The following EVC variants were observed in gnomAD, a reference collection of about 807,000 sequenced individuals.
EVC encodes the protein evC complex member EVC.
EVC carries 116 observed loss-of-function variants against 118.9 expected under a neutral mutation model. That is an observed-to-expected ratio of 0.98 (90% CI 0.84 to 1.14). EVC has a LOEUF of 1.14. Ranked by LOEUF, EVC falls within the 50% of genes most tolerant of loss-of-function variation. EVC has a pLI of 0.00. For synonymous variants in EVC, 619 were observed against 534.7 expected, an observed-to-expected ratio of 1.16 and a Z score of -2.18; for missense variants, 1,401 against 1,246.4, an observed-to-expected ratio of 1.12 and a Z score of -1.87.
intron 6 of EVC, 146 bp downstream of exon 6, chr4:5,741,960 G>C (rs1365349503): frequency 8.7e-6 from 4 of 461,962 alleles, no homozygotes; most frequent in East Asian, 7.1e-5. Flanking sequence ...AAATATAAAA[G>C]TATGTATACA....
At position 5,749,331 on chromosome 4, in the gene EVC, C is replaced by A. The variant is rs1056597154; in HGVS notation, c.1098+1025C>A. Among the ~76,000 whole-genome samples, 1 of 134,886 alleles carries A rather than the reference C, an allele frequency of 7.4e-6. No individual in the cohort carries two copies. Among genetic ancestry groups the A allele is most frequent in the Non-Finnish European group, 1.5e-5 (1 of 65,594 alleles). The allele number at this position is 134,886 out of a possible 152,430, so 88.5% of individuals were successfully genotyped here. Reference sequence around the variant, plus strand: ...TAAAATACATTAACACTAACGATAGCTGATGAGCGGAAAAAAAAAAAAAAA... The same window carrying A: ...TAAAATACATTAACACTAACGATAGATGATGAGCGGAAAAAAAAAAAAAAA... On this transcript the variant is annotated intron_variant, in intron 8 of 20. Transcript: ENST00000264956. The surrounding 1 kb of genome is among the most constrained non-coding windows in gnomAD (Gnocchi z 4.4).
At chr4:5,802,132 T>C (rs764896281) in intron 16 of EVC, 38 bp downstream of exon 16, 1 of 1,613,348 alleles carries the variant, frequency 6.2e-7, no homozygotes, top group East Asian at 2.2e-5. Flanking sequence ...CAGAAGAGAC[T>C]GGCAATGTGT....
rs543310088 is a variant in EVC, at chr4:5,719,759, A to T, written c.300+386A>T. Among the ~76,000 whole-genome samples the T allele has an allele frequency of 1.5e-4, 23 of 152,238 alleles. No individual in the cohort carries two copies. Among genetic ancestry groups the T allele is most frequent in the African/African-American group, 5.3e-4 (22 of 41,552 alleles). On this transcript the variant is annotated intron_variant, in intron 2 of 20. Transcript: ENST00000264956. This position sits in a 1 kb window ranked among gnomAD's most constrained non-coding sequence, Gnocchi z 4.7. ...GCTGTTCTGTGCCTGTGTTCCCTCC[A>T]CAGAATGCCTTAAGATGTTTCCCTT...
intron 17 of EVC, among the ~76,000 whole-genome samples, chr4:5,806,799 C>T (rs1030888819): frequency 6.6e-6 from 1 of 152,172 alleles, no homozygotes; most frequent in Non-Finnish European, 1.5e-5. Flanking sequence ...TATACATTCC[C>T]ACCAATGGTG....
chr4:5,763,975 G>T (rs1456528520), intron 11 of EVC, among the ~76,000 whole-genome samples: 2 of 142,016 alleles, frequency 1.4e-5, no homozygotes, highest in Non-Finnish European at 3.1e-5. Context: ...TCCCTGTCTT[G>T]TGCCAGTTTT....
At chr4:5,760,417 A>G (rs1343713985) in intron 11 of EVC, among the ~76,000 whole-genome samples, 2 of 152,102 alleles carry the variant, frequency 1.3e-5, no homozygotes, top group Non-Finnish European at 2.9e-5. Context: ...AGAGGGTGAC[A>G]GGTGTGACGA....
chr4:5,756,492 A>AC lies in EVC; in HGVS notation c.1563+131dup, dbSNP rs1397497765. ...CCCCGCACTCATTGGCCGGTGATCCACGCAGGCTGTGTCCCCTCCATGCGA... is the reference window on the plus strand; with the variant it reads ...CCCCGCACTCATTGGCCGGTGATCCACCGCAGGCTGTGTCCCCTCCATGCGA... On this transcript the variant is annotated intron_variant, in intron 11 of 20. Coordinates refer to ENST00000264956, the MANE Select transcript of EVC (RefSeq NM_153717.3). This position sits in a 1 kb window ranked among gnomAD's most constrained non-coding sequence, Gnocchi z 4.2. 6.0e-5 allele frequency: 46 copies of AC among 761,608 alleles called. No homozygotes were observed. The East Asian group carries it at 6.4e-4, about 11-fold the overall frequency. 47.2% of individuals were successfully genotyped at this position (761,608 alleles called of 1,614,324 possible). A position where few individuals can be genotyped will look rare whatever the true frequency, so the allele number is the denominator to read the frequency against.
Position 5,743,112 on chromosome 4 carries a change from T to C in EVC, c.801+1298T>C, listed in dbSNP as rs1240388267. Among the ~76,000 whole-genome samples, 2 of 152,206 alleles carry C rather than the reference T, an allele frequency of 1.3e-5. No individual in the cohort carries two copies. Among genetic ancestry groups the C allele is most frequent in the Non-Finnish European group, 2.9e-5 (2 of 68,030 alleles). ...TGCCATGGAAAAGGGTGGTAACTTT[T>C]GGGTTGTTGACATGGCATTTGTAAT... is the stretch of plus-strand genomic sequence containing the variant. On this transcript the variant is annotated intron_variant, in intron 6 of 20. Coordinates refer to ENST00000264956, the MANE Select transcript of EVC (RefSeq NM_153717.3). This position sits in a 1 kb window ranked among gnomAD's most constrained non-coding sequence, Gnocchi z 4.7.
intron 15 of EVC, among the ~76,000 whole-genome samples, chr4:5,800,200 C>T (rs1004052289): frequency 3.3e-5 from 5 of 152,248 alleles, no homozygotes; most frequent in African/African-American, 1.2e-4. Flanking sequence ...CAAAAATTAG[C>T]TAGGTGTAGT....
Position 5,741,703 on chromosome 4 carries a change from T to A in EVC, c.703-13T>A. The stretch of plus-strand genomic sequence containing the variant: ...AAACTTTTCTTTTGTTATCTTTCCT[T>A]TCTTGGCAATAGATGTTTATTCAGA... On this transcript the variant is annotated splice_polypyrimidine_tract_variant and intron_variant, in intron 5 of 20. Transcript: ENST00000264956. 2.0e-6 allele frequency: 3 copies of A among 1,498,148 alleles called. No homozygotes were observed. The highest frequency in any genetic ancestry group is 2.8e-6 in the Non-Finnish European group (3 of 1,076,438). The allele number at this position is 1,498,148 out of a possible 1,614,324, so 92.8% of individuals were successfully genotyped here.
At chr4:5,809,678 A>G in intron 19 of EVC, 67 bp downstream of exon 19, 1 of 1,360,852 alleles carries the variant, frequency 7.3e-7, no homozygotes. Context: ...TTCTAGTTCC[A>G]CACTGGCCAC....
chr4:5,822,709 A>G, the EVC span, among the ~76,000 whole-genome samples: 2 of 152,210 alleles, frequency 1.3e-5, no homozygotes, highest in African/African-American at 4.8e-5. Context: ...GGGGAAGTTG[A>G]GCCGGCGGAA....
intron 11 of EVC, among the ~76,000 whole-genome samples, chr4:5,760,897 G>C (rs1008920443): frequency 1.3e-5 from 2 of 152,198 alleles, no homozygotes; most frequent in African/African-American, 4.8e-5. Flanking sequence ...TAGTCTGGAG[G>C]GATTTCCTTA....
intron 11 of EVC, among the ~76,000 whole-genome samples, chr4:5,769,125 A>G (rs923059556): frequency 1.3e-5 from 2 of 152,156 alleles, no homozygotes; most frequent in Admixed American, 6.5e-5. Flanking sequence ...TTTATAAAGG[A>G]AACAGGTTTA....
intron 19 of EVC, among the ~76,000 whole-genome samples, chr4:5,809,881 G>A (rs1052435885): frequency 2.0e-5 from 3 of 152,166 alleles, no homozygotes; most frequent in Admixed American, 6.5e-5. Context: ...CTGTAAAGTG[G>A]GGATAAGCCC....
chr4:5,753,982 T>C, intron 10 of EVC, 49 bp downstream of exon 10: 4 of 1,610,878 alleles, frequency 2.5e-6, no homozygotes, highest in Non-Finnish European at 3.4e-6. Flanking sequence ...CAGTTGTAGC[T>C]CTGTTCCCGT....
In EVC at chr4:5,731,408, T is replaced by C; in HGVS notation, c.385-17T>C. On this transcript the variant is annotated splice_polypyrimidine_tract_variant and intron_variant, in intron 3 of 20. Transcript: ENST00000264956. The surrounding 1 kb of genome is among the most constrained non-coding windows in gnomAD (Gnocchi z 5.6). ...AGGCATCACATGGACTGAGTGTGAC[T>C]CCTACTGCCACCCCAGCCTCTGGCC... The C allele has an allele frequency of 6.3e-7, 1 of 1,593,802 alleles. No homozygotes were observed.
intron 5 of EVC, among the ~76,000 whole-genome samples, chr4:5,733,903 A>C (rs1727254412): frequency 1.3e-5 from 2 of 152,144 alleles, no homozygotes; most frequent in African/African-American, 4.8e-5. Flanking sequence ...GAGAAAACTG[A>C]GGCACAGGGC....
rs1714371134 is a variant in EVC at position 5,798,428 on chromosome 4, T to A, written c.2098-158T>A. On this transcript the variant is annotated intron_variant, in intron 14 of 20. Coordinates refer to ENST00000264956, the MANE Select transcript of EVC (RefSeq NM_153717.3). The surrounding 1 kb of genome is among the most constrained non-coding windows in gnomAD (Gnocchi z 4.1). Reference sequence around the variant, plus strand: ...CTAACAGACACCTAACCTCATCCATTGATTTTTGCAAGCCCAGAGGCCACC... The same window carrying A: ...CTAACAGACACCTAACCTCATCCATAGATTTTTGCAAGCCCAGAGGCCACC... Among the ~76,000 whole-genome samples, 1 of 152,124 alleles carries A rather than the reference T, an allele frequency of 6.6e-6. No homozygotes were observed. Among genetic ancestry groups the A allele is most frequent in the African/African-American group, 2.4e-5 (1 of 41,436 alleles).
Sources: gnomAD v4.1 joint callset for allele counts (sites outside exome capture counted in the v4.1 genomes callset) on GRCh38, gnomAD v4.1.1 for gene constraint, Gnocchi (gnomAD v3.1) non-coding constraint, MANE v1.5 for transcripts, NCBI Gene and HGNC (gene_info 2026-07-23, HGNC 2026-07-21) for gene names.